The following NUP153 variants were observed in gnomAD, a reference collection of about 807,000 sequenced individuals.
NUP153 encodes nuclear pore complex protein Nup153.
NUP153 carries 27 observed loss-of-function variants against 134.6 expected under a neutral mutation model. The ratio of observed to expected loss-of-function variants is 0.20; its 90% confidence interval spans 0.15 to 0.28. NUP153 has a LOEUF of 0.28. Ranked by LOEUF, NUP153 falls within the 10% of genes least tolerant of loss-of-function variation. The pLI is 1.00. For synonymous variants in NUP153, 640 were observed against 623.5 expected, an observed-to-expected ratio of 1.03 and a Z score of -0.40; for missense variants, 1,821 against 1,731.3, an observed-to-expected ratio of 1.05 and a Z score of -0.92.
rs1469612771 is a variant in NUP153 at position 17,643,241 on chromosome 6, G to A, written c.1720+2826C>T. Reference sequence around the variant, plus strand: ...TAATCCCAGCACTCTGAGACGCCTAGGCGGCCAGATCACCTGAGGTCAGGA... The same window carrying A: ...TAATCCCAGCACTCTGAGACGCCTAAGCGGCCAGATCACCTGAGGTCAGGA... On this transcript the variant is annotated intron_variant, in intron 14 of 21. Transcript: ENST00000262077. 4.6e-5 allele frequency among the ~76,000 whole-genome samples: 7 copies of A among 152,224 alleles called. No individual in the cohort carries two copies. The East Asian group carries it at 1.3e-3, about 29-fold the overall frequency.
chr6:17,619,153 G>T (rs80161593), intron 20 of NUP153, among the ~76,000 whole-genome samples: 1,854 of 152,300 alleles, frequency 0.012, 43 homozygotes, highest in African/African-American at 0.041. Context: ...CAAAGATCAA[G>T]ACTTCAGGCA....
chr6:17,618,117 C>T (rs1015717852), intron 20 of NUP153, among the ~76,000 whole-genome samples: 1 of 152,198 alleles, frequency 6.6e-6, no homozygotes, highest in Non-Finnish European at 1.5e-5. Context: ...CTGGATGCAT[C>T]TTCTTTGGGG....
chr6:17,663,609 T>C (rs918365404), intron 9 of NUP153, among the ~76,000 whole-genome samples: 3 of 152,108 alleles, frequency 2.0e-5, no homozygotes, highest in Non-Finnish European at 4.4e-5. Flanking sequence ...CTTAAAAGTA[T>C]GGAGGGAGAT....
chr6:17,667,819 A>T (rs1174509399), intron 8 of NUP153, among the ~76,000 whole-genome samples: 1 of 152,176 alleles, frequency 6.6e-6, no homozygotes, highest in Non-Finnish European at 1.5e-5. Context: ...AACCCAAACT[A>T]TCAAACATTG....
rs1252633975 is a variant in NUP153, at chr6:17,706,166, T to C, written c.111+111A>G. 2.3e-6 allele frequency: 2 copies of C among 867,458 alleles called. No homozygotes were observed. Among genetic ancestry groups the C allele is most frequent in the African/African-American group, 3.4e-5 (2 of 59,390 alleles). 53.7% of individuals were successfully genotyped at this position (867,458 alleles called of 1,614,324 possible). ...TCCCCCGGAGCCTCACTCGGGCCTT[T>C]CCTCAGGCCCTCCTGTCTGCTCCAC... On this transcript the variant is annotated intron_variant, in intron 1 of 21. Coordinates refer to ENST00000262077, the MANE Select transcript of NUP153 (RefSeq NM_005124.4). The surrounding 1 kb of genome is among the most constrained non-coding windows in gnomAD (Gnocchi z 5.9).
Position 17,675,572 on chromosome 6 carries a change from T to G in NUP153, c.533A>C (p.Asp178Ala). The G allele has an allele frequency of 6.2e-7, 1 of 1,614,010 alleles. No individual in the cohort carries two copies. The highest frequency in any genetic ancestry group is 8.5e-7 in the Non-Finnish European group (1 of 1,179,866). ...EIKDSTSQHD[D>A]DNISTTSGFS... ...ACCACTGGTAGTTGAGATGTTATCATCATCATGCTGAGAGGTAGAATCTTT... is the reference window on the plus strand; with the variant it reads ...ACCACTGGTAGTTGAGATGTTATCAGCATCATGCTGAGAGGTAGAATCTTT... The change falls in exon 3 of 22, where the codon GAT (aspartate) becomes GCT (alanine). Residue 178 changes from aspartate to alanine, a missense_variant. Physicochemically the swap from Asp to Ala is moderately radical, Grantham distance 126 (BLOSUM62 -2). Transcript: ENST00000262077. The surrounding 1 kb of genome is among the most constrained non-coding windows in gnomAD (Gnocchi z 4.4).
rs144758578 is a variant in NUP153, at chr6:17,665,382, C to A, written c.1072G>T (p.Asp358Tyr). Residue 358 changes from aspartate to tyrosine, a missense_variant, in exon 9 of 22, where the codon GAT becomes TAT. Asp to Tyr is a radical substitution (Grantham distance 160). Transcript: ENST00000262077. ...TDFQAKREKV[D>Y]SQYPPVQRLM... Reference sequence around the variant, plus strand: ...CTCTGAACAGGAGGATATTGAGAATCCACCTTACAGGTAAAGAGAAATCAA... The same window carrying A: ...CTCTGAACAGGAGGATATTGAGAATACACCTTACAGGTAAAGAGAAATCAA... 1.9e-6 allele frequency: 3 copies of A among 1,607,606 alleles called. No homozygotes were observed. The African/African-American group carries it at 4.0e-5, about 22-fold the overall frequency.
chr6:17,703,128 G>T (rs866377883), intron 1 of NUP153, among the ~76,000 whole-genome samples: 18 of 148,470 alleles, frequency 1.2e-4, no homozygotes, highest in South Asian at 4.2e-4. Flanking sequence ...AACCCAGGAG[G>T]CAAAGGTTGC....
chr6:17,669,347 T>A lies in NUP153; in HGVS notation c.970-10A>T. The A allele has an allele frequency of 1.2e-6, 2 of 1,608,360 alleles. No individual in the cohort carries two copies. Among genetic ancestry groups the A allele is most frequent in the Non-Finnish European group, 1.7e-6 (2 of 1,175,010 alleles). Reference sequence around the variant, plus strand: ...GAATTCTTTTTGCATCCTGTTAAAGTTGAAAAAATAACAAAATTAAGATTT... The same window carrying A: ...GAATTCTTTTTGCATCCTGTTAAAGATGAAAAAATAACAAAATTAAGATTT... On this transcript the variant is annotated splice_polypyrimidine_tract_variant and intron_variant, in intron 6 of 21. Coordinates refer to ENST00000262077, the MANE Select transcript of NUP153 (RefSeq NM_005124.4).
chr6:17,676,846 C>G (rs1768252182), intron 2 of NUP153, among the ~76,000 whole-genome samples: 1 of 152,110 alleles, frequency 6.6e-6, no homozygotes, highest in Non-Finnish European at 1.5e-5. Context: ...GAGAGGGTCT[C>G]CCAGAAATCC....
Position 17,706,498 on chromosome 6 carries a change from C to T in NUP153, c.-111G>A. ...GCCCGGCCCCGGCCCAAAAGTCCGC[C>T]CGCGCTGTCCACACAGTGGGCACAA... On this transcript the variant is annotated 5_prime_UTR_variant, in exon 1 of 22. Coordinates refer to ENST00000262077, the MANE Select transcript of NUP153 (RefSeq NM_005124.4). The surrounding 1 kb of genome is among the most constrained non-coding windows in gnomAD (Gnocchi z 5.9). 1.3e-6 allele frequency: 1 copy of T among 755,186 alleles called. No individual in the cohort carries two copies. The highest frequency in any genetic ancestry group is 2.1e-6 in the Non-Finnish European group (1 of 472,900). 46.8% of individuals were successfully genotyped at this position (755,186 alleles called of 1,614,324 possible). A position where few individuals can be genotyped will look rare whatever the true frequency, so the allele number is the denominator to read the frequency against.
chr6:17,646,491 C>A (rs1449954537), intron 13 of NUP153, among the ~76,000 whole-genome samples: 5 of 152,176 alleles, frequency 3.3e-5, no homozygotes, highest in African/African-American at 1.2e-4. Flanking sequence ...CAGGCGTGAG[C>A]CACCGCGCCT....
intron 13 of NUP153, among the ~76,000 whole-genome samples, chr6:17,646,769 C>T (rs1766209477): frequency 6.6e-6 from 1 of 150,858 alleles, no homozygotes; most frequent in South Asian, 2.1e-4. Flanking sequence ...GGTGGAGTTT[C>T]ACTCTTGTTG....
chr6:17,647,698 G>T, intron 13 of NUP153, 109 bp downstream of exon 13: 2 of 727,512 alleles, frequency 2.7e-6, no homozygotes, highest in Non-Finnish European at 4.6e-6. Flanking sequence ...TTTTTAAGTT[G>T]GAAGAAAAAT....
At chr6:17,623,761 A>T (rs372229723) in intron 20 of NUP153, among the ~76,000 whole-genome samples, 3 of 152,370 alleles carry the variant, frequency 2.0e-5, no homozygotes, top group East Asian at 3.9e-4. Context: ...ATCACAAATC[A>T]AAAGACTGCA....
At chr6:17,668,854 GAAT>G (rs767939333) in intron 8 of NUP153, 118 bp downstream of exon 8, 1 of 617,794 alleles carries the variant, frequency 1.6e-6, no homozygotes, top group Non-Finnish European at 2.7e-6. Context: ...AAAAAAAAAA[GAAT>G]ATTATTTTTC....
At position 17,639,953 on chromosome 6, in the gene NUP153, A is replaced by G. The variant is rs1167317948; in HGVS notation, c.1832T>C (p.Ile611Thr). ...AATTATCTTACCAGGGCTTTTCAGA[A>G]TATCTAGAACACTTCCTTCTTTCAG... ...EILKEGSVLD[I>T]LKSPGFASPK... The change falls in exon 15 of 22, where the codon ATT becomes ACT. Residue 611 changes from isoleucine (I) to threonine (T), a missense_variant. Transcript: ENST00000262077. 6.2e-7 allele frequency: 1 copy of G among 1,604,912 alleles called. No individual in the cohort carries two copies. Among genetic ancestry groups the G allele is most frequent in the East Asian group, 2.2e-5 (1 of 44,740 alleles).
Position 17,661,999 on chromosome 6 carries a change from G to C in NUP153, c.1268+19C>G. ...AAGTTAAATATAAAGAAGTATAGCT[G>C]TATAAGAAATGACAGTACCTTTCTC... On this transcript the variant is annotated intron_variant, in intron 10 of 21. Transcript: ENST00000262077. 6.5e-7 allele frequency: 1 copy of C among 1,542,104 alleles called. No individual in the cohort carries two copies. Among genetic ancestry groups the C allele is most frequent in the Non-Finnish European group, 9.0e-7 (1 of 1,116,914 alleles).
intron 18 of NUP153, among the ~76,000 whole-genome samples, chr6:17,626,859 G>T (rs1211341436): frequency 6.6e-6 from 1 of 152,160 alleles, no homozygotes; most frequent in African/African-American, 2.4e-5. Context: ...AAAATTATGG[G>T]AGGAGGAAGG....
Sources: gnomAD v4.1 joint callset for allele counts (sites outside exome capture counted in the v4.1 genomes callset) on GRCh38, gnomAD v4.1.1 for gene constraint, Gnocchi (gnomAD v3.1) non-coding constraint, MANE v1.5 for transcripts, NCBI Gene and HGNC (gene_info 2026-07-23, HGNC 2026-07-21) for gene names.